The following PLCE1 variants were observed in gnomAD, a reference collection of about 807,000 sequenced individuals.
The protein encoded by PLCE1 is phospholipase C epsilon 1.
PLCE1 carries 119 observed loss-of-function variants against 242.8 expected under a neutral mutation model. The observed-to-expected ratio is 0.49, with a 90% CI of 0.42 to 0.57. The LOEUF is 0.57. PLCE1 is among the 20% of genes least tolerant of loss of function. PLCE1 has a pLI of 0.00. For missense variants in PLCE1, 2,441 were observed against 2,788.8 expected, an observed-to-expected ratio of 0.88 and a Z score of 2.81; for synonymous variants, 945 against 1,017.4, an observed-to-expected ratio of 0.93 and a Z score of 1.35.
At chr10:94,133,022 A>AT (rs1430609428) in intron 3 of PLCE1, among the ~76,000 whole-genome samples, 1 of 151,438 alleles carries the variant, frequency 6.6e-6, no homozygotes, top group East Asian at 1.9e-4. Context: ...GCTATCTTTA[A>AT]TTTTTTTTTA....
At chr10:94,139,063 A>C in intron 3 of PLCE1, 1 of 152,962 alleles carries the variant, frequency 6.5e-6, no homozygotes, top group Non-Finnish European at 1.5e-5. Context: ...CAGGTGGATC[A>C]CCTGAGGTCA....
chr10:94,011,229 T>C (rs1403884174), intron 1 of PLCE1, among the ~76,000 whole-genome samples: 2 of 152,096 alleles, frequency 1.3e-5, no homozygotes, highest in African/African-American at 4.8e-5. Context: ...CATGTCACAT[T>C]ACCAAAGAGC....
intron 2 of PLCE1, among the ~76,000 whole-genome samples, chr10:94,070,578 C>T (rs891126818): frequency 6.6e-6 from 1 of 152,204 alleles, no homozygotes; most frequent in Non-Finnish European, 1.5e-5. Context: ...AGTCTAGACT[C>T]TAATTGTTCA....
At chr10:94,005,136 A>C (rs887165391) in intron 1 of PLCE1, among the ~76,000 whole-genome samples, 1 of 152,174 alleles carries the variant, frequency 6.6e-6, no homozygotes, top group Non-Finnish European at 1.5e-5. Context: ...TTTAATTTGA[A>C]GAATTCTGGA....
At chr10:94,207,519 G>A (rs974952758) in intron 4 of PLCE1, among the ~76,000 whole-genome samples, 1 of 7,164 alleles carries the variant, frequency 1.4e-4, no homozygotes, top group Non-Finnish European at 1.8e-3. Flanking sequence ...TTATACGTGT[G>A]TGTGTGTGTG....
At chr10:94,212,764 A>T (rs918257058) in intron 4 of PLCE1, among the ~76,000 whole-genome samples, 3 of 152,364 alleles carry the variant, frequency 2.0e-5, no homozygotes, top group Non-Finnish European at 4.4e-5. Context: ...AGTTTGGGAA[A>T]CATTACCACA....
At chr10:94,146,324 C>T (rs544791002) in intron 3 of PLCE1, among the ~76,000 whole-genome samples, 5 of 151,974 alleles carry the variant, frequency 3.3e-5, no homozygotes, top group Admixed American at 6.6e-5. Context: ...TTAGCATCAC[C>T]GGGAGAAAAA....
chr10:94,191,092 T>A (rs932756136), intron 4 of PLCE1, among the ~76,000 whole-genome samples: 7 of 151,814 alleles, frequency 4.6e-5, no homozygotes, highest in African/African-American at 1.7e-4. Context: ...ATAGGGTGAC[T>A]AAAAGAAAAA....
At chr10:94,080,457 T>C (rs962846323) in intron 2 of PLCE1, among the ~76,000 whole-genome samples, 5 of 152,346 alleles carry the variant, frequency 3.3e-5, no homozygotes, top group East Asian at 1.9e-4. Context: ...AGATTGGACA[T>C]GCTATTAGCC....
At chr10:94,038,115 C>G (rs1418315710) in intron 2 of PLCE1, among the ~76,000 whole-genome samples, 1 of 152,136 alleles carries the variant, frequency 6.6e-6, no homozygotes, top group Non-Finnish European at 1.5e-5. Context: ...GAGACTCAAG[C>G]TGCCCTTTGA....
intron 2 of PLCE1, among the ~76,000 whole-genome samples, chr10:94,035,824 A>G (rs1388044835): frequency 2.0e-5 from 3 of 152,168 alleles, no homozygotes; most frequent in Non-Finnish European, 4.4e-5. Flanking sequence ...CCCAGCTCCT[A>G]TGAATTACTT....
chr10:94,085,458 C>G (rs1035015267), intron 2 of PLCE1, among the ~76,000 whole-genome samples: 2 of 152,058 alleles, frequency 1.3e-5, no homozygotes, highest in Non-Finnish European at 2.9e-5. Flanking sequence ...GTCTCAGAGG[C>G]AGTCCATATT....
At chr10:94,265,612 A>T in intron 14 of PLCE1, 35 bp from the exon 15 acceptor site, 2 of 1,587,166 alleles carry the variant, frequency 1.3e-6, no homozygotes, top group South Asian at 2.2e-5. Context: ...AGTTTCCTTA[A>T]CCTAAATAAC....
At chr10:94,091,585 GA>G (rs1044388926) in intron 2 of PLCE1, among the ~76,000 whole-genome samples, 2 of 151,892 alleles carry the variant, frequency 1.3e-5, no homozygotes, top group Admixed American at 6.5e-5. Context: ...GGGGTATAAA[GA>G]AAAAAAGACT....
intron 2 of PLCE1, among the ~76,000 whole-genome samples, chr10:94,116,165 C>T (rs1285401711): frequency 6.6e-6 from 1 of 152,198 alleles, no homozygotes; most frequent in Non-Finnish European, 1.5e-5. Flanking sequence ...ATTCTGTCGT[C>T]ATCACCTTCC....
intron 2 of PLCE1, among the ~76,000 whole-genome samples, chr10:94,131,229 A>G (rs1208728715): frequency 6.6e-6 from 1 of 152,206 alleles, no homozygotes; most frequent in Non-Finnish European, 1.5e-5. Context: ...TTGTTTATAC[A>G]CTATCCAGAA....
At chr10:94,239,544 T>C (rs1234240874) in intron 7 of PLCE1, among the ~76,000 whole-genome samples, 1 of 152,178 alleles carries the variant, frequency 6.6e-6, no homozygotes, top group Non-Finnish European at 1.5e-5. Context: ...ACTCGGGCAG[T>C]TCTTTATAAC....
intron 9 of PLCE1, 103 bp downstream of exon 9, chr10:94,252,601 G>C: frequency 1.0e-6 from 1 of 997,872 alleles, no homozygotes; most frequent in South Asian, 1.4e-5. Context: ...TGAGGACAAA[G>C]TCAGGTATAA....
intron 2 of PLCE1, among the ~76,000 whole-genome samples, chr10:94,076,437 G>C (rs2044504474): frequency 6.6e-6 from 1 of 152,122 alleles, no homozygotes; most frequent in African/African-American, 2.4e-5. Flanking sequence ...CAAGTTCAGA[G>C]GACAAAGGTC....
Sources: gnomAD v4.1 joint callset for allele counts (sites outside exome capture counted in the v4.1 genomes callset) on GRCh38, gnomAD v4.1.1 for gene constraint, MANE v1.5 for transcripts, NCBI Gene and HGNC (gene_info 2026-07-23, HGNC 2026-07-21) for gene names.